The following WDR27 variants were observed in gnomAD, a reference collection of about 807,000 sequenced individuals.
The protein encoded by WDR27 is WD repeat domain 27.
WDR27 carries 100 observed loss-of-function variants against 114.4 expected under a neutral mutation model. That is an observed-to-expected ratio of 0.87 (90% CI 0.74 to 1.03). WDR27 has a LOEUF of 1.03. Ranked by LOEUF, WDR27 falls within the 50% of genes least tolerant of loss-of-function variation. The pLI is 0.00. For synonymous variants in WDR27, 449 were observed against 423.1 expected (o/e 1.06, Z -0.75); for missense variants, 1,129 against 1,092.9 (o/e 1.03, Z -0.47).
At chr6:169,616,290 C>T (rs536575479) in intron 21 of WDR27, among the ~76,000 whole-genome samples, 5 of 152,250 alleles carry the variant, frequency 3.3e-5, no homozygotes, top group African/African-American at 1.2e-4. Context: ...GAGATCGAGA[C>T]CAGCCTGGCC....
At position 169,665,232 on chromosome 6, in the gene WDR27, T is replaced by C. The variant is rs965800347; in HGVS notation, c.783+254A>G. 83 of 1,231,152 alleles carry C rather than the reference T, an allele frequency of 6.7e-5. No homozygotes were observed. In the African/African-American group the frequency reaches 1.2e-3, roughly 18 times the overall value. 76.3% of individuals were successfully genotyped at this position (1,231,152 alleles called of 1,614,324 possible). On this transcript the variant is annotated intron_variant, in intron 7 of 25. Transcript: ENST00000448612. ...AGGGTCACGTGAGTGGCCCTCACTT[T>C]TGCTGCACTCCAGAACCACGCATGG... is the stretch of plus-strand genomic sequence containing the variant.
chr6:169,470,695 T>C (rs1170098678), intron 25 of WDR27, among the ~76,000 whole-genome samples: 1 of 152,156 alleles, frequency 6.6e-6, no homozygotes, highest in Non-Finnish European at 1.5e-5. Context: ...CCAACAATTC[T>C]ATCAGATTAG....
intron 6 of WDR27, chr6:169,666,812 G>A: frequency 3.0e-6 from 3 of 985,464 alleles, no homozygotes; most frequent in South Asian, 9.4e-5. Flanking sequence ...CGCTGGTTCT[G>A]GGATGTGTTT....
At chr6:169,582,779 ATAT>A in intron 24 of WDR27, 54 bp downstream of exon 24, 10 of 1,368,974 alleles carry the variant, frequency 7.3e-6, no homozygotes, top group Non-Finnish European at 1.0e-5. Context: ...AGATACAAAA[ATAT>A]AATGTAAGAC....
intron 21 of WDR27, among the ~76,000 whole-genome samples, chr6:169,619,979 A>G (rs1326515368): frequency 6.6e-6 from 1 of 152,180 alleles, no homozygotes; most frequent in Non-Finnish European, 1.5e-5. Context: ...TTGGAGTGAA[A>G]TATTTTTATT....
chr6:169,635,250 A>G (rs928623791), intron 19 of WDR27, among the ~76,000 whole-genome samples: 12 of 146,594 alleles, frequency 8.2e-5, no homozygotes, highest in Non-Finnish European at 3.0e-5. Flanking sequence ...AGGTGGGGGA[A>G]GGGGGGCGCC....
chr6:169,532,098 A>T (rs529945024), intron 25 of WDR27, among the ~76,000 whole-genome samples: 183 of 152,318 alleles, frequency 1.2e-3, no homozygotes, highest in Non-Finnish European at 1.8e-3. Context: ...TTATATACTT[A>T]TCATTGTACA....
chr6:169,471,001 A>G (rs1000807328), intron 25 of WDR27, among the ~76,000 whole-genome samples: 2 of 152,128 alleles, frequency 1.3e-5, no homozygotes, highest in African/African-American at 4.8e-5. Flanking sequence ...GTGCAGCCAC[A>G]TGGGGCTTTC....
chr6:169,672,260 A>G lies in WDR27; in HGVS notation c.326T>C (p.Leu109Pro), dbSNP rs970431025. 2 of 1,611,648 alleles carry G rather than the reference A, an allele frequency of 1.2e-6. No individual in the cohort carries two copies. Among genetic ancestry groups the G allele is most frequent in the Non-Finnish European group, 1.7e-6 (2 of 1,179,238 alleles). ...TGTTTTAGATTTTCATTTACCTTGA[A>G]GTACTTTCTCTCTACATTCATCCAG... Reference protein sequence around the residue: ...WNLDECREKVLQGLVPRGTVM... With the variant: ...WNLDECREKVPQGLVPRGTVM... Residue 109 changes from leucine to proline, a missense_variant, in exon 3 of 26, where the codon CTT (leucine) becomes CCT (proline). Physicochemically the swap from Leu to Pro is moderately conservative, Grantham distance 98. Transcript: ENST00000448612.
chr6:169,576,636 G>A (rs1324598681), intron 24 of WDR27, among the ~76,000 whole-genome samples: 1 of 151,802 alleles, frequency 6.6e-6, no homozygotes, highest in Non-Finnish European at 1.5e-5. Flanking sequence ...GTGGGGTGGT[G>A]CATGCCTGTA....
intron 22 of WDR27, among the ~76,000 whole-genome samples, chr6:169,611,456 C>T (rs940066996): frequency 4.0e-5 from 6 of 151,874 alleles, no homozygotes; most frequent in African/African-American, 7.3e-5. Flanking sequence ...CAGGTGCCCA[C>T]CACCACACCT....
At chr6:169,635,948 T>G (rs1584772342) in intron 19 of WDR27, among the ~76,000 whole-genome samples, 1 of 152,314 alleles carries the variant, frequency 6.6e-6, no homozygotes, top group Admixed American at 6.5e-5. Context: ...CTTTAAAAAT[T>G]CTGGAAAACA....
At chr6:169,687,439 A>G (rs1351312050) in intron 2 of WDR27, among the ~76,000 whole-genome samples, 5 of 152,166 alleles carry the variant, frequency 3.3e-5, no homozygotes, top group Admixed American at 6.5e-5. Flanking sequence ...TTGAAAACAT[A>G]TATCACAAAA....
chr6:169,674,847 G>A (rs1779673740), intron 2 of WDR27, among the ~76,000 whole-genome samples: 1 of 152,140 alleles, frequency 6.6e-6, no homozygotes, highest in Non-Finnish European at 1.5e-5. Flanking sequence ...GTTAGCAAAG[G>A]GCAATGGGGT....
At chr6:169,459,515 T>C (rs1017634289) in intron 25 of WDR27, among the ~76,000 whole-genome samples, 2 of 151,770 alleles carry the variant, frequency 1.3e-5, no homozygotes, top group Non-Finnish European at 2.9e-5. Flanking sequence ...AATTTGATTT[T>C]ATGAAATGGC....
At chr6:169,665,735 C>G (rs970135181) in intron 6 of WDR27, among the ~76,000 whole-genome samples, 179 bp from the exon 7 acceptor site, 3 of 152,118 alleles carry the variant, frequency 2.0e-5, no homozygotes, top group Admixed American at 6.5e-5. Context: ...CACATGAATA[C>G]AAATGTTGAA....
intron 2 of WDR27, among the ~76,000 whole-genome samples, chr6:169,681,911 C>T (rs909619522): frequency 2.6e-5 from 4 of 152,156 alleles, no homozygotes; most frequent in Admixed American, 2.6e-4. Context: ...GCATGCTCCT[C>T]TGTGCCAACT....
At chr6:169,631,605 TC>T (rs1478936754) in intron 21 of WDR27, among the ~76,000 whole-genome samples, 1 of 152,086 alleles carries the variant, frequency 6.6e-6, no homozygotes, top group East Asian at 1.9e-4. Context: ...CACTGCCAAG[TC>T]CCTGGATCTG....
intron 25 of WDR27, among the ~76,000 whole-genome samples, chr6:169,553,515 G>C (rs930969220): frequency 6.6e-6 from 1 of 152,160 alleles, no homozygotes; most frequent in African/African-American, 2.4e-5. Context: ...TATAGTAGGA[G>C]GATTTCTGGT....
Sources: allele counts gnomAD v4.1 joint callset (sites outside exome capture counted in the v4.1 genomes callset), GRCh38; gene constraint gnomAD v4.1.1; transcripts MANE v1.5; gene names NCBI Gene and HGNC (gene_info 2026-07-23, HGNC 2026-07-21).